KLF7: variants seen among roughly 807,000 people sequenced by gnomAD.
The protein encoded by KLF7 is KLF transcription factor 7.
Under a neutral mutation model 27.3 loss-of-function variants are expected in KLF7, and 2 were observed. The observed-to-expected ratio is 0.07, with a 90% CI of 0.03 to 0.23. The LOEUF (loss-of-function observed/expected upper bound fraction) is 0.23. Ranked by LOEUF, KLF7 falls within the 10% of genes least tolerant of loss-of-function variation. The pLI, the probability that KLF7 is intolerant of heterozygous loss-of-function variation, is 1.00. For missense variants in KLF7, 221 were observed against 394.1 expected (o/e 0.56, Z 3.72); for synonymous variants, 165 against 162.4 (o/e 1.02, Z -0.12).
At chr2:207,148,509 T>C (rs993712652) in intron 1 of KLF7, among the ~76,000 whole-genome samples, 4 of 152,168 alleles carry the variant, frequency 2.6e-5, no homozygotes, top group African/African-American at 9.7e-5. Flanking sequence ...CCCAAAAAGA[T>C]AGTAATGAGC....
chr2:207,097,464 G>A (rs1002185568), intron 2 of KLF7, among the ~76,000 whole-genome samples: 17 of 152,176 alleles, frequency 1.1e-4, no homozygotes, highest in African/African-American at 4.1e-4. Context: ...TGGAAACAGA[G>A]AACTTTGTCA....
At chr2:207,105,240 A>T (rs1188359404) in intron 2 of KLF7, among the ~76,000 whole-genome samples, 1 of 152,202 alleles carries the variant, frequency 6.6e-6, no homozygotes, top group Non-Finnish European at 1.5e-5. Context: ...CTGAAGCTTC[A>T]TTTCTACCTG....
In KLF7 at chr2:207,165,834, T is replaced by C; in HGVS notation, c.-266A>G. The C allele has an allele frequency of 1.5e-6, 2 of 1,317,952 alleles. No individual in the cohort carries two copies. The highest frequency in any genetic ancestry group is 1.9e-6 in the Non-Finnish European group (2 of 1,029,468). The allele number at this position is 1,317,952 out of a possible 1,614,324, so 81.6% of individuals were successfully genotyped here. On this transcript the variant is annotated 5_prime_UTR_variant, in exon 1 of 4. Transcript: ENST00000309446. ...CAGACGACTGCCAGGAAAAGGGGAC[T>C]TCTCCACGGGAGTAACAATTCCCTT... is the stretch of plus-strand genomic sequence containing the variant.
chr2:207,109,386 T>C (rs12472554), intron 2 of KLF7, among the ~76,000 whole-genome samples: 35,593 of 152,166 alleles, frequency 0.23, 4,975 homozygotes, highest in Middle Eastern at 0.32. Flanking sequence ...TGTTTCAACT[T>C]AGGCCCCCAA....
At chr2:207,144,159 C>T (rs1361281320) in intron 1 of KLF7, among the ~76,000 whole-genome samples, 2 of 92,884 alleles carry the variant, frequency 2.2e-5, no homozygotes, top group South Asian at 7.8e-4. Flanking sequence ...GTCGTCACAG[C>T]GGGGGGGAGA....
intron 1 of KLF7, 116 bp downstream of exon 1, chr2:207,165,351 G>C: frequency 7.0e-7 from 1 of 1,431,002 alleles, no homozygotes; most frequent in Non-Finnish European, 9.5e-7. Context: ...CAGCCAAAAA[G>C]GAAGAAAAAA....
Position 207,078,594 on chromosome 2 carries a change from C to T in KLF7, c.*2619G>A, listed in dbSNP as rs917566933. The T allele has an allele frequency of 6.6e-6, 1 of 152,232 alleles. No homozygotes were observed. The highest frequency in any genetic ancestry group is 1.9e-4 in the East Asian group (1 of 5,200). The allele number at this position is 152,232 out of a possible 1,614,324, so 9.4% of individuals were successfully genotyped here. On this transcript the variant is annotated 3_prime_UTR_variant, in exon 4 of 4. Transcript: ENST00000309446. ...AGCTTGGGAGAGAACATTTGCAAAT[C>T]GTGGTGGCCATGGCTTAATGCCATC...
intron 2 of KLF7, among the ~76,000 whole-genome samples, chr2:207,104,578 C>CT (rs1289502937): frequency 6.6e-6 from 1 of 152,220 alleles, no homozygotes; most frequent in Non-Finnish European, 1.5e-5. Flanking sequence ...ATTCTGTCCT[C>CT]TAATTCTCTC....
intron 1 of KLF7, chr2:207,148,981 C>T: frequency 2.6e-6 from 3 of 1,136,756 alleles, no homozygotes; most frequent in Non-Finnish European, 2.2e-6. Context: ...CCAGTCATTA[C>T]CTGTGTCATC....
At chr2:207,117,895 C>G (rs996234019) in intron 2 of KLF7, among the ~76,000 whole-genome samples, 1 of 152,212 alleles carries the variant, frequency 6.6e-6, no homozygotes, top group African/African-American at 2.4e-5. Context: ...TGCCCCATCA[C>G]CACCCTTCAG....
intron 3 of KLF7, among the ~76,000 whole-genome samples, chr2:207,083,108 G>A (rs1413703497): frequency 2.0e-5 from 3 of 152,168 alleles, no homozygotes; most frequent in Admixed American, 6.5e-5. Flanking sequence ...ATCCCTTAGC[G>A]ATGCCTCTAA....
chr2:207,088,885 T>C (rs1404227197), intron 2 of KLF7, among the ~76,000 whole-genome samples: 1 of 152,204 alleles, frequency 6.6e-6, no homozygotes, highest in Non-Finnish European at 1.5e-5. Context: ...GGATCAATTT[T>C]TATTTATTTT....
intron 1 of KLF7, among the ~76,000 whole-genome samples, chr2:207,129,909 A>G (rs1051714313): frequency 6.6e-6 from 1 of 152,232 alleles, no homozygotes; most frequent in African/African-American, 2.4e-5. Context: ...TTTGTGGCAC[A>G]TATTAAGTTT....
chr2:207,132,321 T>C (rs1269986634), intron 1 of KLF7, among the ~76,000 whole-genome samples: 1 of 152,246 alleles, frequency 6.6e-6, no homozygotes, highest in African/African-American at 2.4e-5. Context: ...TTCTCACATC[T>C]ACTGGTTGCT....
At chr2:207,119,670 T>G (rs2077283553) in intron 2 of KLF7, among the ~76,000 whole-genome samples, 1 of 152,180 alleles carries the variant, frequency 6.6e-6, no homozygotes, top group South Asian at 2.1e-4. Context: ...CACTAGGTGC[T>G]CTTCCCAATG....
intron 2 of KLF7, among the ~76,000 whole-genome samples, chr2:207,090,158 A>G (rs2076478993): frequency 6.6e-6 from 1 of 152,212 alleles, no homozygotes; most frequent in African/African-American, 2.4e-5. Flanking sequence ...AAACACGGGC[A>G]TTTCTTTTAA....
intron 2 of KLF7, among the ~76,000 whole-genome samples, chr2:207,089,680 C>T (rs988300077): frequency 1.3e-5 from 2 of 152,090 alleles, no homozygotes; most frequent in Admixed American, 6.6e-5. Context: ...ATTGTCTGAC[C>T]TTGGGCAGGT....
At chr2:207,083,368 C>T (rs559192761) in intron 3 of KLF7, among the ~76,000 whole-genome samples, 1 of 152,240 alleles carries the variant, frequency 6.6e-6, no homozygotes, top group East Asian at 1.9e-4. Context: ...TCCCAACAAC[C>T]TGGAGAAAGA....
upstream of KLF7, among the ~76,000 whole-genome samples, chr2:207,168,789 G>GTGCC (rs2078764073): frequency 6.6e-6 from 1 of 152,144 alleles, no homozygotes; most frequent in African/African-American, 2.4e-5. Flanking sequence ...TTCAATATTA[G>GTGCC]TTATATTTAG....
Sources: allele counts gnomAD v4.1 joint callset (sites outside exome capture counted in the v4.1 genomes callset), GRCh38; gene constraint gnomAD v4.1.1; transcripts MANE v1.5; gene names NCBI Gene and HGNC (gene_info 2026-07-23, HGNC 2026-07-21).